SPOCK1: variants seen among roughly 807,000 people sequenced by gnomAD.
The protein encoded by SPOCK1 is SPARC (osteonectin), cwcv and kazal like domains proteoglycan 1.
Under a neutral mutation model 55.3 loss-of-function variants are expected in SPOCK1, and 23 were observed. The ratio of observed to expected loss-of-function variants is 0.42; its 90% CI spans 0.30 to 0.59. The LOEUF is 0.59. Among genes scored for constraint, SPOCK1 ranks in the 20% least tolerant of loss-of-function variants. SPOCK1 has a pLI of 0.22. For synonymous variants in SPOCK1, 226 were observed against 221.0 expected (o/e 1.02, Z -0.20); for missense variants, 499 against 552.5 (o/e 0.90, Z 0.97).
intron 2 of SPOCK1, among the ~76,000 whole-genome samples, chr5:137,367,798 T>C (rs985038793): frequency 5.3e-5 from 8 of 152,244 alleles, no homozygotes; most frequent in Non-Finnish European, 8.8e-5. Flanking sequence ...TGCTGATAAC[T>C]GGGCCAAGTT....
intron 5 of SPOCK1, among the ~76,000 whole-genome samples, chr5:137,075,001 C>T (rs980674984): frequency 1.3e-5 from 2 of 151,938 alleles, no homozygotes; most frequent in African/African-American, 4.8e-5. Flanking sequence ...CCGCGCCCGA[C>T]CTAATTTTTG....
At chr5:137,313,544 C>T (rs967105591) in intron 2 of SPOCK1, 1 of 949,204 alleles carries the variant, frequency 1.1e-6, no homozygotes, top group Non-Finnish European at 1.3e-6. Context: ...GTCACAGGCT[C>T]CAGCCTGCCT....
intron 2 of SPOCK1, among the ~76,000 whole-genome samples, chr5:137,287,199 G>T (rs541350079): frequency 3.9e-5 from 6 of 152,296 alleles, no homozygotes; most frequent in Non-Finnish European, 7.4e-5. Flanking sequence ...CTGCCATGGT[G>T]CAAACTGTTT....
In SPOCK1 at chr5:137,003,853, T is replaced by C. The variant is rs545816149; in HGVS notation, c.590-11253A>G. 3.3e-5 allele frequency among the ~76,000 whole-genome samples: 5 copies of C among 152,302 alleles called. No homozygotes were observed. In the South Asian group the frequency reaches 6.2e-4, roughly 19 times the overall value. On this transcript the variant is annotated intron_variant, in intron 6 of 10. Transcript: ENST00000394945. Reference sequence around the variant, plus strand: ...ATTTGAGATCAGATCCTGAAGGTGATAGGAAGCTTAGGAGGTGTCCAGAAC... The same window carrying C: ...ATTTGAGATCAGATCCTGAAGGTGACAGGAAGCTTAGGAGGTGTCCAGAAC...
intron 2 of SPOCK1, among the ~76,000 whole-genome samples, chr5:137,343,931 C>A (rs770413699): frequency 6.6e-6 from 1 of 152,200 alleles, no homozygotes; most frequent in Non-Finnish European, 1.5e-5. Flanking sequence ...AGCTCCCCAT[C>A]ATAGAACAGG....
chr5:137,036,687 A>G (rs1362234369), intron 6 of SPOCK1, among the ~76,000 whole-genome samples: 1 of 152,218 alleles, frequency 6.6e-6, no homozygotes, highest in Non-Finnish European at 1.5e-5. Flanking sequence ...ATTTTACAGG[A>G]CGGTAAGGCC....
In SPOCK1 at chr5:137,411,796, G is replaced by A. The variant is rs1412721169; in HGVS notation, c.186+86577C>T. Among the ~76,000 whole-genome samples, 4 of 152,318 alleles carry A rather than the reference G, an allele frequency of 2.6e-5. No homozygotes were observed. The East Asian group carries it at 7.7e-4, about 29-fold the overall frequency. ...TGCAGGAAGTTAAATAAATGCAATG[G>A]ATAATGACAGCTCTCCCAAATACCA... is the stretch of plus-strand genomic sequence containing the variant. On this transcript the variant is annotated intron_variant, in intron 2 of 10. Transcript: ENST00000394945.
chr5:137,152,579 G>A (rs1046532620), intron 3 of SPOCK1, among the ~76,000 whole-genome samples: 2 of 152,192 alleles, frequency 1.3e-5, no homozygotes, highest in Non-Finnish European at 2.9e-5. Flanking sequence ...CAGAAAGAAA[G>A]TCATCTTTGG....
intron 2 of SPOCK1, among the ~76,000 whole-genome samples, chr5:137,350,761 C>T (rs1333966637): frequency 6.6e-6 from 1 of 151,858 alleles, no homozygotes; most frequent in Non-Finnish European, 1.5e-5. Flanking sequence ...GTGTGGGAGC[C>T]CTTCTTCAAA....
chr5:137,093,337 A>C (rs1426545841), intron 5 of SPOCK1, among the ~76,000 whole-genome samples: 1 of 152,212 alleles, frequency 6.6e-6, no homozygotes, highest in Non-Finnish European at 1.5e-5. Flanking sequence ...GAGATTCTGG[A>C]CTAAAATAAA....
At chr5:137,470,605 G>A (rs1435071144) in intron 2 of SPOCK1, among the ~76,000 whole-genome samples, 1 of 151,202 alleles carries the variant, frequency 6.6e-6, no homozygotes, top group African/African-American at 2.4e-5. Flanking sequence ...GTGTAGTCTG[G>A]TGGCTCATGC....
chr5:137,419,133 C>T (rs571214111), intron 2 of SPOCK1, among the ~76,000 whole-genome samples: 67 of 152,124 alleles, frequency 4.4e-4, no homozygotes, highest in African/African-American at 1.2e-3. Context: ...TTATTTCTGA[C>T]GGCTCTGTTC....
intron 3 of SPOCK1, among the ~76,000 whole-genome samples, chr5:137,152,505 G>A (rs1281222177): frequency 6.6e-6 from 1 of 152,136 alleles, no homozygotes; most frequent in African/African-American, 2.4e-5. Flanking sequence ...AAACACAAGG[G>A]GCAAAATCTT....
At chr5:137,294,393 A>G (rs1353038443) in intron 2 of SPOCK1, among the ~76,000 whole-genome samples, 1 of 152,196 alleles carries the variant, frequency 6.6e-6, no homozygotes, top group African/African-American at 2.4e-5. Context: ...AGGTGAAGAG[A>G]CTGAGATCCA....
intron 3 of SPOCK1, among the ~76,000 whole-genome samples, chr5:137,258,297 T>C (rs1756676988): frequency 6.6e-6 from 1 of 152,234 alleles, no homozygotes; most frequent in Non-Finnish European, 1.5e-5. Context: ...CTATACCGCA[T>C]TGCCTTTCAT....
intron 3 of SPOCK1, among the ~76,000 whole-genome samples, chr5:137,208,647 G>A (rs1257366628): frequency 1.3e-5 from 2 of 152,158 alleles, no homozygotes; most frequent in Non-Finnish European, 2.9e-5. Flanking sequence ...ATAAGTGGGG[G>A]CTAAACAGTG....
chr5:137,142,861 G>A (rs186116754), intron 3 of SPOCK1, among the ~76,000 whole-genome samples: 21 of 152,246 alleles, frequency 1.4e-4, no homozygotes, highest in African/African-American at 4.8e-4. Flanking sequence ...TGCCGCCCAC[G>A]CCAACCCTGG....
intron 6 of SPOCK1, among the ~76,000 whole-genome samples, chr5:136,997,166 C>T (rs942010965): frequency 2.6e-5 from 4 of 152,174 alleles, no homozygotes; most frequent in Admixed American, 6.5e-5. Flanking sequence ...GTGTGAGCCA[C>T]GTCTCTGGGA....
At chr5:137,102,297 A>G (rs1187106537) in intron 5 of SPOCK1, among the ~76,000 whole-genome samples, 1 of 152,164 alleles carries the variant, frequency 6.6e-6, no homozygotes, top group Non-Finnish European at 1.5e-5. Flanking sequence ...GCTAGTTGGA[A>G]TCTTTTGCCA....
Sources: allele counts gnomAD v4.1 joint callset (sites outside exome capture counted in the v4.1 genomes callset), GRCh38; gene constraint gnomAD v4.1.1; transcripts MANE v1.5; gene names NCBI Gene and HGNC (gene_info 2026-07-23, HGNC 2026-07-21).